Variants in SLC18A2 observed in about 807,000 individuals in gnomAD.
SLC18A2 encodes synaptic vesicular amine transporter.
In SLC18A2, 33 loss-of-function variants were observed where a neutral mutation model predicts 59.2. The observed-to-expected ratio is 0.56, with a 90% CI of 0.42 to 0.75. The LOEUF (loss-of-function observed/expected upper bound fraction) is 0.75, where lower values mean the gene tolerates loss of function less well. SLC18A2 is among the 30% of genes least tolerant of loss of function. The probability of loss-of-function intolerance (pLI) is 0.00; values close to 1 mark genes in which losing one functional copy is unlikely to be tolerated. For synonymous variants in SLC18A2, 228 were observed against 253.5 expected (o/e 0.90, Z 0.95); for missense variants, 569 against 668.6 (o/e 0.85, Z 1.64).
Position 117,269,723 on chromosome 10 carries a change from T to C in SLC18A2, c.1187-348T>C, listed in dbSNP as rs1355186791. On this transcript the variant is annotated intron_variant, in intron 13 of 15. Transcript: ENST00000644641. The surrounding 1 kb of genome is among the most constrained non-coding windows in gnomAD (Gnocchi z 5.1). ...GGCACATGAGGAAAGTTTCTTTCAT[T>C]GAAATGGTGCTTGCTGCTTCCTAAT... Among the ~76,000 whole-genome samples the C allele has an allele frequency of 6.6e-6, 1 of 152,152 alleles. No individual in the cohort carries two copies.
Position 117,248,113 on chromosome 10 carries a change from G to A in SLC18A2, c.464+3800G>A, listed in dbSNP as rs190678462. On this transcript the variant is annotated intron_variant, in intron 3 of 15. Transcript: ENST00000644641. Reference sequence around the variant, plus strand: ...GCCTCCTGAGTAGCTGAGACTACATGCCACCATGCCTGGCTAATTTTTTTT... The same window carrying A: ...GCCTCCTGAGTAGCTGAGACTACATACCACCATGCCTGGCTAATTTTTTTT... Among the ~76,000 whole-genome samples the A allele has an allele frequency of 3.9e-3, 596 of 152,218 alleles. 2 individuals are homozygous for A. Among genetic ancestry groups the A allele is most frequent in the African/African-American group, 0.014 (579 of 41,518 alleles).
chr10:117,241,620 G>C, intron 1 of SLC18A2, 59 bp from the exon 2 acceptor site: 4 of 1,473,350 alleles, frequency 2.7e-6, no homozygotes, highest in South Asian at 2.6e-5. Flanking sequence ...CGGCCTGGGG[G>C]ACGGGAGAAT....
At chr10:117,243,204 G>A (rs1320730044) in intron 2 of SLC18A2, among the ~76,000 whole-genome samples, 1 of 152,198 alleles carries the variant, frequency 6.6e-6, no homozygotes, top group African/African-American at 2.4e-5. Flanking sequence ...ATAATGAAGT[G>A]TAGTTTTCTG....
chr10:117,273,768 C>T (rs1346741481), intron 15 of SLC18A2, among the ~76,000 whole-genome samples: 1 of 152,164 alleles, frequency 6.6e-6, no homozygotes, highest in Non-Finnish European at 1.5e-5. Context: ...AAGACTGGCA[C>T]TCTTATCTTT....
Position 117,272,939 on chromosome 10 carries a change from C to T in SLC18A2, c.1440+2476C>T, listed in dbSNP as rs555359519. On this transcript the variant is annotated intron_variant, in intron 15 of 15. Transcript: ENST00000644641. ...TGAGGGAGGAGGAAGAATCAATGAC[C>T]ATGCAGTTGAGAAACCCCAGAGCAG... 2.0e-5 allele frequency among the ~76,000 whole-genome samples: 3 copies of T among 152,164 alleles called. No homozygotes were observed. The South Asian group carries it at 6.2e-4, about 32-fold the overall frequency.
intron 3 of SLC18A2, 51 bp downstream of exon 3, chr10:117,244,364 C>T: frequency 6.9e-7 from 1 of 1,453,522 alleles, no homozygotes; most frequent in Non-Finnish European, 9.4e-7. Flanking sequence ...TCAGTCCTAG[C>T]TTATGTCCTT....
In SLC18A2 at chr10:117,254,387, A is replaced by G. The variant is rs1302241130; in HGVS notation, c.608-18A>G. 10 of 1,554,522 alleles carry G rather than the reference A, an allele frequency of 6.4e-6. No homozygotes were observed. The highest frequency in any genetic ancestry group is 8.7e-6 in the Non-Finnish European group (10 of 1,147,784). ...GTTCCCCGGAGCTGGCCTGTTGACT[A>G]TTTCTTTCCCTGTGTAGGGATGGGC... On this transcript the variant is annotated intron_variant, in intron 5 of 15. Transcript: ENST00000644641.
chr10:117,269,947 C>A lies in SLC18A2; in HGVS notation c.1187-124C>A. ...AAGATTAGTATCACCCCAAGACTTG[C>A]AGGTGGTGATGACAGAAGGGGAAGA... On this transcript the variant is annotated intron_variant, in intron 13 of 15. Coordinates refer to ENST00000644641, the MANE Select transcript of SLC18A2 (RefSeq NM_003054.6). The surrounding 1 kb of genome is among the most constrained non-coding windows in gnomAD (Gnocchi z 5.1). The A allele has an allele frequency of 8.8e-7, 1 of 1,136,358 alleles. No homozygotes were observed. Among genetic ancestry groups the A allele is most frequent in the Non-Finnish European group, 1.3e-6 (1 of 787,936 alleles). The allele number at this position is 1,136,358 out of a possible 1,614,324, so 70.4% of individuals were successfully genotyped here.
At position 117,253,481 on chromosome 10, in the gene SLC18A2, T is replaced by A. The variant is rs768592450; in HGVS notation, c.523+24T>A. Reference sequence around the variant, plus strand: ...TAGTAAGTGTGTGGTGTTTTCCTTCTGAGTGTGGGTCTCATCAGGGTGGGC... The same window carrying A: ...TAGTAAGTGTGTGGTGTTTTCCTTCAGAGTGTGGGTCTCATCAGGGTGGGC... On this transcript the variant is annotated intron_variant, in intron 4 of 15. Transcript: ENST00000644641. 6.3e-6 allele frequency: 10 copies of A among 1,579,510 alleles called. No individual in the cohort carries two copies. In the East Asian group the frequency reaches 2.1e-4, roughly 32 times the overall value.
At chr10:117,274,068 C>T (rs1006768284) in intron 15 of SLC18A2, among the ~76,000 whole-genome samples, 15 of 152,300 alleles carry the variant, frequency 9.8e-5, no homozygotes, top group East Asian at 1.9e-4. Context: ...ACTTGTTCCC[C>T]GGGCACCTGA....
chr10:117,249,139 C>G (rs756359062), intron 3 of SLC18A2, among the ~76,000 whole-genome samples: 5 of 152,206 alleles, frequency 3.3e-5, no homozygotes, highest in African/African-American at 1.2e-4. Flanking sequence ...TTTTCAGCTT[C>G]TCTATGGACA....
At position 117,278,069 on chromosome 10, in the gene SLC18A2, T is replaced by A. The variant is rs1844524531; in HGVS notation, c.*803T>A. The A allele has an allele frequency of 1.3e-5, 2 of 152,148 alleles. No homozygotes were observed. The highest frequency in any genetic ancestry group is 2.4e-5 in the African/African-American group (1 of 41,446). The allele number at this position is 152,148 out of a possible 1,614,324, so 9.4% of individuals were successfully genotyped here. A position where few individuals can be genotyped will look rare whatever the true frequency, so the allele number is the denominator to read the frequency against. Reference sequence around the variant, plus strand: ...CTTACTGGATGAAGAAAATTGAGGGTACATGTACCTTATACTGTCAAGGTT... The same window carrying A: ...CTTACTGGATGAAGAAAATTGAGGGAACATGTACCTTATACTGTCAAGGTT... On this transcript the variant is annotated 3_prime_UTR_variant, in exon 16 of 16. Transcript: ENST00000644641.
chr10:117,272,726 C>T (rs1041311872), intron 15 of SLC18A2, among the ~76,000 whole-genome samples: 1 of 152,190 alleles, frequency 6.6e-6, no homozygotes, highest in African/African-American at 2.4e-5. Context: ...GTGTGCATCT[C>T]GCTGCCCATC....
chr10:117,246,797 C>T (rs1004096645), intron 3 of SLC18A2, among the ~76,000 whole-genome samples: 3 of 152,050 alleles, frequency 2.0e-5, no homozygotes, highest in Admixed American at 6.6e-5. Context: ...GGATTACAGG[C>T]GTGCACCACT....
intron 15 of SLC18A2, among the ~76,000 whole-genome samples, chr10:117,271,458 T>A (rs980116165): frequency 6.6e-6 from 1 of 152,234 alleles, no homozygotes; most frequent in African/African-American, 2.4e-5. Context: ...GTGCAGCCTG[T>A]GTTTGTCTTG....
intron 4 of SLC18A2, among the ~76,000 whole-genome samples, 164 bp downstream of exon 4, chr10:117,253,621 G>A (rs1165516154): frequency 1.3e-5 from 2 of 152,018 alleles, no homozygotes; most frequent in South Asian, 2.1e-4. Flanking sequence ...TGAGGTGGGC[G>A]GATCATCTGA....
intron 3 of SLC18A2, among the ~76,000 whole-genome samples, chr10:117,250,308 C>G (rs750222114): frequency 6.6e-6 from 1 of 152,128 alleles, no homozygotes; most frequent in Non-Finnish European, 1.5e-5. Flanking sequence ...GCAACATGAG[C>G]CTGGTTGTAT....
intron 12 of SLC18A2, chr10:117,267,405 T>G: frequency 2.3e-6 from 1 of 442,872 alleles, no homozygotes. Context: ...GCCTACTTGT[T>G]CTTGTCAAAA....
chr10:117,263,337 C>T (rs922715687), intron 10 of SLC18A2, among the ~76,000 whole-genome samples: 1 of 152,204 alleles, frequency 6.6e-6, no homozygotes, highest in Non-Finnish European at 1.5e-5. Context: ...GGAATCTTCT[C>T]TGAGCTCGCT....
Sources: gnomAD v4.1 joint callset for allele counts (sites outside exome capture counted in the v4.1 genomes callset) on GRCh38, gnomAD v4.1.1 for gene constraint, Gnocchi (gnomAD v3.1) non-coding constraint, MANE v1.5 for transcripts, NCBI Gene and HGNC (gene_info 2026-07-23, HGNC 2026-07-21) for gene names.